The following PPP1R12B variants were observed in gnomAD, a reference collection of about 807,000 sequenced individuals.
PPP1R12B encodes the protein myosin phosphatase target subunit 2.
A neutral mutation model predicts 126.1 loss-of-function variants in PPP1R12B; 76 were observed. The observed-to-expected ratio is 0.60, with a 90% CI of 0.50 to 0.73. The LOEUF is 0.73. Ranked by LOEUF, PPP1R12B falls within the 30% of genes least tolerant of loss-of-function variation. The pLI is 0.00. For missense variants in PPP1R12B, 1,052 were observed against 1,205.1 expected (o/e 0.87, Z 1.88); for synonymous variants, 356 against 434.7 (o/e 0.82, Z 2.25).
intron 18 of PPP1R12B, among the ~76,000 whole-genome samples, chr1:202,525,173 G>A (rs1014092737): frequency 3.3e-5 from 5 of 152,108 alleles, no homozygotes; most frequent in Non-Finnish European, 5.9e-5. Flanking sequence ...GCCACCACAC[G>A]TGGCCAGAAT....
chr1:202,511,348 C>T (rs1681484778), intron 18 of PPP1R12B, among the ~76,000 whole-genome samples: 1 of 151,908 alleles, frequency 6.6e-6, no homozygotes, highest in African/African-American at 2.4e-5. Context: ...TCCTGAGTAG[C>T]TGGGACTACA....
chr1:202,540,370 A>G (rs528151151), intron 18 of PPP1R12B: 2 of 662,636 alleles, frequency 3.0e-6, no homozygotes, highest in African/African-American at 3.7e-5. Flanking sequence ...GTACAGGGAA[A>G]AAAAATTGCA....
intron 1 of PPP1R12B, among the ~76,000 whole-genome samples, chr1:202,388,086 T>C (rs1663457504): frequency 6.9e-6 from 1 of 144,506 alleles, no homozygotes; most frequent in African/African-American, 2.6e-5. Flanking sequence ...TTTAAGAATG[T>C]AATGGGAAAG....
intron 13 of PPP1R12B, among the ~76,000 whole-genome samples, chr1:202,468,552 A>G (rs1675370058): frequency 6.6e-6 from 1 of 152,158 alleles, no homozygotes; most frequent in African/African-American, 2.4e-5. Flanking sequence ...CTCCAGAGCT[A>G]TCTCTTTGTG....
rs773307705 is a variant in PPP1R12B at position 202,448,986 on chromosome 1, C to T, written c.1668-3C>T. 23 of 1,613,592 alleles carry T rather than the reference C, an allele frequency of 1.4e-5. No homozygotes were observed. Among genetic ancestry groups the T allele is most frequent in the Non-Finnish European group, 8.5e-7 (1 of 1,179,670 alleles). On this transcript the variant is annotated splice_region_variant and splice_polypyrimidine_tract_variant and intron_variant, in intron 12 of 23. Transcript: ENST00000608999. ...TTTCTGCTTGTATCTTTTTAAATTT[C>T]AGGACTCCTCACAAATCCCAGGCCG...
At chr1:202,389,922 G>T (rs1479640798) in intron 1 of PPP1R12B, among the ~76,000 whole-genome samples, 2 of 106,708 alleles carry the variant, frequency 1.9e-5, no homozygotes, top group Admixed American at 1.2e-4. Context: ...GCGGGACTCT[G>T]TCTCAAAAAA....
At chr1:202,485,153 G>A (rs1189638923) in intron 13 of PPP1R12B, among the ~76,000 whole-genome samples, 2 of 152,230 alleles carry the variant, frequency 1.3e-5, no homozygotes, top group Non-Finnish European at 2.9e-5. Flanking sequence ...TCCCCCCTGT[G>A]CAGCTTTGGC....
chr1:202,507,977 C>T (rs1226574219), intron 18 of PPP1R12B, among the ~76,000 whole-genome samples: 1 of 152,108 alleles, frequency 6.6e-6, no homozygotes, highest in African/African-American at 2.4e-5. Flanking sequence ...TAGATTTGCC[C>T]CAGCAGGAAT....
intron 23 of PPP1R12B, among the ~76,000 whole-genome samples, chr1:202,569,777 C>T (rs1572542986): frequency 6.6e-6 from 1 of 152,234 alleles, no homozygotes; most frequent in East Asian, 1.9e-4. Context: ...CCACCAGATA[C>T]ACTTCACAGC....
intron 8 of PPP1R12B, among the ~76,000 whole-genome samples, chr1:202,433,243 G>C (rs1352885716): frequency 6.6e-6 from 1 of 152,174 alleles, no homozygotes; most frequent in Non-Finnish European, 1.5e-5. Context: ...ACAAGTATCT[G>C]AACTTGCTCT....
intron 8 of PPP1R12B, among the ~76,000 whole-genome samples, chr1:202,434,126 T>TA (rs1271940860): frequency 6.6e-6 from 1 of 152,204 alleles, no homozygotes; most frequent in East Asian, 1.9e-4. Context: ...GCACCACACT[T>TA]AAACATTTTT....
Position 202,348,700 on chromosome 1 carries a change from G to C in PPP1R12B, c.-152G>C, listed in dbSNP as rs966902371. On this transcript the variant is annotated 5_prime_UTR_variant, in exon 1 of 24. Transcript: ENST00000608999. The stretch of plus-strand genomic sequence containing the variant: ...TTGAAGCCGAGGGAGCGTGCGGGCG[G>C]TACTACTGGCGGGAGGAGTAAAGAT... 4.2e-6 allele frequency: 4 copies of C among 961,794 alleles called. No homozygotes were observed. In the Admixed American group the frequency reaches 9.0e-5, roughly 22 times the overall value. The allele number at this position is 961,794 out of a possible 1,614,324, so 59.6% of individuals were successfully genotyped here.
chr1:202,427,907 C>G (rs1669750287), intron 5 of PPP1R12B, among the ~76,000 whole-genome samples: 1 of 152,140 alleles, frequency 6.6e-6, no homozygotes, highest in African/African-American at 2.4e-5. Context: ...GCCTCAGCCT[C>G]CCAAAACGCT....
chr1:202,448,989 G>T lies in PPP1R12B; in HGVS notation c.1668G>T (p.Arg556Ser). The T allele has an allele frequency of 1.2e-6, 2 of 1,613,546 alleles. No homozygotes were observed. The highest frequency in any genetic ancestry group is 1.7e-6 in the Non-Finnish European group (2 of 1,179,690). ...CTGCTTGTATCTTTTTAAATTTCAG[G>T]ACTCCTCACAAATCCCAGGCCGACA... ...PSTYVSTYLK[R>S]TPHKSQADTT... is the part of the protein sequence containing the mutation. Residue 556 changes from arginine to serine, a missense_variant and splice_region_variant, in exon 13 of 24, where the codon AGG becomes AGT. By Grantham distance (110) the Arg-to-Ser change is moderately radical (BLOSUM62 -1). Coordinates refer to ENST00000608999, the MANE Select transcript of PPP1R12B (RefSeq NM_002481.4).
chr1:202,393,184 G>A (rs1664402124), intron 1 of PPP1R12B, among the ~76,000 whole-genome samples: 1 of 152,096 alleles, frequency 6.6e-6, no homozygotes, highest in African/African-American at 2.4e-5. Context: ...CTGACCTCAA[G>A]TGATCTACCT....
At chr1:202,442,170 G>T (rs1671708940) in intron 11 of PPP1R12B, among the ~76,000 whole-genome samples, 1 of 152,132 alleles carries the variant, frequency 6.6e-6, no homozygotes, top group Non-Finnish European at 1.5e-5. Context: ...TTTAAGTGAG[G>T]ATCAAAAGTG....
Position 202,348,729 on chromosome 1 carries a change from G to A in PPP1R12B, c.-123G>A. 7.8e-7 allele frequency: 1 copy of A among 1,280,510 alleles called. No individual in the cohort carries two copies. The highest frequency in any genetic ancestry group is 1.6e-5 in the South Asian group (1 of 63,792). The allele number at this position is 1,280,510 out of a possible 1,614,324, so 79.3% of individuals were successfully genotyped here. A position where few individuals can be genotyped will look rare whatever the true frequency, so the allele number is the denominator to read the frequency against. On this transcript the variant is annotated 5_prime_UTR_variant, in exon 1 of 24. Coordinates refer to ENST00000608999, the MANE Select transcript of PPP1R12B (RefSeq NM_002481.4). ...TACTGGCGGGAGGAGTAAAGATGGC[G>A]GCGCGAGGGTCTCCGCCCTCTGCTC...
intron 1 of PPP1R12B, among the ~76,000 whole-genome samples, chr1:202,389,664 C>T (rs1296575114): frequency 2.6e-5 from 4 of 151,060 alleles, no homozygotes; most frequent in East Asian, 2.0e-4. Context: ...GAAGGCCGGG[C>T]GAGGTGGCTA....
chr1:202,391,177 CTT>C (rs1300794525), intron 1 of PPP1R12B, among the ~76,000 whole-genome samples: 6 of 150,578 alleles, frequency 4.0e-5, no homozygotes, highest in Non-Finnish European at 7.4e-5. Flanking sequence ...AAATAAATAA[CTT>C]AATAATAAGA....
Sources: allele counts gnomAD v4.1 joint callset (sites outside exome capture counted in the v4.1 genomes callset), GRCh38; gene constraint gnomAD v4.1.1; transcripts MANE v1.5; gene names NCBI Gene and HGNC (gene_info 2026-07-23, HGNC 2026-07-21).